Variants in LDB3 observed in about 807,000 individuals in gnomAD.
LDB3 encodes LIM domain-binding protein 3.
LDB3 carries 49 observed loss-of-function variants against 69.0 expected under a neutral mutation model. The ratio of observed to expected loss-of-function variants is 0.71; its 90% confidence interval spans 0.56 to 0.90. The LOEUF (loss-of-function observed/expected upper bound fraction) is 0.90. LDB3 is among the 40% of genes least tolerant of loss of function. The pLI is 0.00. For missense variants in LDB3, 928 were observed against 974.1 expected, an observed-to-expected ratio of 0.95 and a Z score of 0.63; for synonymous variants, 387 against 396.2, an observed-to-expected ratio of 0.98 and a Z score of 0.28.
intron 2 of LDB3, among the ~76,000 whole-genome samples, chr10:86,676,682 G>A (rs993113622): frequency 2.0e-5 from 3 of 152,158 alleles, no homozygotes; most frequent in South Asian, 2.1e-4. Flanking sequence ...CATCACCCAC[G>A]TGGTGTAGGG....
At chr10:86,678,484 C>T (rs923555912) in intron 2 of LDB3, among the ~76,000 whole-genome samples, 2 of 151,910 alleles carry the variant, frequency 1.3e-5, no homozygotes, top group African/African-American at 2.4e-5. Flanking sequence ...GGACTACAGG[C>T]GCCCACCACC....
rs1564639140 is a variant in LDB3 at position 86,687,053 on chromosome 10, C to T, written c.690-4843C>T. Reference sequence around the variant, plus strand: ...TCCTCCCTCTCCCTGCCCGTACTCCCGCACCCCTCCCCCAGCGCCGACTAC... The same window carrying T: ...TCCTCCCTCTCCCTGCCCGTACTCCTGCACCCCTCCCCCAGCGCCGACTAC... On this transcript the variant is annotated intron_variant, in intron 5 of 13. Coordinates refer to ENST00000361373, the MANE Select transcript of LDB3 (RefSeq NM_007078.3). 8.7e-6 allele frequency: 14 copies of T among 1,613,134 alleles called. No homozygotes were observed. In the South Asian group the frequency reaches 1.1e-4, roughly 13 times the overall value.
At chr10:86,703,854 C>A (rs1394234917) in intron 7 of LDB3, among the ~76,000 whole-genome samples, 1 of 152,198 alleles carries the variant, frequency 6.6e-6, no homozygotes. Flanking sequence ...TGGCTCACGC[C>A]TGTAATCCCA....
intron 5 of LDB3, chr10:86,687,080 A>G (rs1308750520): frequency 6.2e-7 from 1 of 1,613,966 alleles, no homozygotes. Flanking sequence ...GCCGACTACC[A>G]GGAACGCTTC....
intron 8 of LDB3, among the ~76,000 whole-genome samples, chr10:86,707,352 A>C (rs1846482608): frequency 6.6e-6 from 1 of 152,084 alleles, no homozygotes; most frequent in African/African-American, 2.4e-5. Context: ...ATGTTTACCT[A>C]ACACTTATTA....
intron 5 of LDB3, chr10:86,685,647 A>G: frequency 6.2e-7 from 1 of 1,613,460 alleles, no homozygotes. Context: ...CTCTCTGACC[A>G]CCCTGTCTTC....
At position 86,709,939 on chromosome 10, in the gene LDB3, G is replaced by A. The variant is rs762701610; in HGVS notation, c.1120G>A (p.Ala374Thr). 5 of 1,612,310 alleles carry A rather than the reference G, an allele frequency of 3.1e-6. No individual in the cohort carries two copies. Among genetic ancestry groups the A allele is most frequent in the South Asian group, 1.1e-5 (1 of 91,072 alleles). Residue 374 changes from alanine (A) to threonine (T), a missense_variant, in exon 9 of 14, where the codon GCC (alanine) becomes ACC (threonine). Coordinates refer to ENST00000361373, the MANE Select transcript of LDB3 (RefSeq NM_007078.3). ...CTCTTCCTACAGCCCCGCAGTGGCCGCCTCTTCAGCACCTGCCACCCACAC... is the reference window on the plus strand; with the variant it reads ...CTCTTCCTACAGCCCCGCAGTGGCCACCTCTTCAGCACCTGCCACCCACAC... ...QASSYSPAVA[A>T]SSAPATHTSY...
rs1564667005 is a variant in LDB3, at chr10:86,733,931, A to G, written c.*955A>G. 6.6e-6 allele frequency: 1 copy of G among 152,182 alleles called. No homozygotes were observed. The highest frequency in any genetic ancestry group is 2.4e-5 in the African/African-American group (1 of 41,426). 9.4% of individuals were successfully genotyped at this position (152,182 alleles called of 1,614,324 possible). On this transcript the variant is annotated 3_prime_UTR_variant, in exon 14 of 14. Coordinates refer to ENST00000361373, the MANE Select transcript of LDB3 (RefSeq NM_007078.3). The stretch of plus-strand genomic sequence containing the variant: ...GTCTCCCCCAGTACCCTCCATCTCA[A>G]ATAGGCTTGGTGGCCTGTGGAAAAG...
At chr10:86,681,902 C>T in intron 5 of LDB3, 99 bp downstream of exon 5, 6 of 1,274,430 alleles carry the variant, frequency 4.7e-6, no homozygotes, top group Non-Finnish European at 6.5e-6. Flanking sequence ...GAGGCACTGG[C>T]CCCAATCCAG....
chr10:86,701,749 G>C (rs1846269772), intron 7 of LDB3, among the ~76,000 whole-genome samples: 1 of 152,164 alleles, frequency 6.6e-6, no homozygotes, highest in Admixed American at 6.5e-5. Flanking sequence ...CAAAAGGCTG[G>C]ACAGATACTC....
At chr10:86,707,213 G>T (rs1001458619) in intron 8 of LDB3, among the ~76,000 whole-genome samples, 1 of 152,084 alleles carries the variant, frequency 6.6e-6, no homozygotes, top group African/African-American at 2.4e-5. Context: ...GATTTCCTCA[G>T]AGAGTTCAGC....
intron 2 of LDB3, among the ~76,000 whole-genome samples, chr10:86,670,444 G>A (rs1844406064): frequency 6.6e-6 from 1 of 152,122 alleles, no homozygotes; most frequent in South Asian, 2.1e-4. Flanking sequence ...GCCTGGGACT[G>A]AGCCCACATC....
intron 7 of LDB3, among the ~76,000 whole-genome samples, chr10:86,697,508 G>A (rs1196298786): frequency 1.4e-5 from 2 of 146,412 alleles, no homozygotes; most frequent in Admixed American, 6.8e-5. Flanking sequence ...GGCGTGAGCC[G>A]CCGTGCCCGG....
intron 9 of LDB3, among the ~76,000 whole-genome samples, chr10:86,711,800 C>G (rs1411504042): frequency 2.0e-5 from 3 of 149,280 alleles, no homozygotes; most frequent in Non-Finnish European, 3.0e-5. Context: ...GCGCGCGGGC[C>G]GGGGACGGTC....
Position 86,704,897 on chromosome 10 carries a change from G to A in LDB3, c.897-1634G>A, listed in dbSNP as rs546075910. Among the ~76,000 whole-genome samples, 3 of 152,018 alleles carry A rather than the reference G, an allele frequency of 2.0e-5. No homozygotes were observed. The East Asian group carries it at 5.8e-4, about 29-fold the overall frequency. ...GTGCCCGGCCTAATTTTGTTTCTTA[G>A]TAGAGACAAGGTTTCTCCACGTTGG... On this transcript the variant is annotated intron_variant, in intron 7 of 13. Transcript: ENST00000361373.
At chr10:86,677,159 G>A (rs1844840006) in intron 2 of LDB3, among the ~76,000 whole-genome samples, 1 of 152,174 alleles carries the variant, frequency 6.6e-6, no homozygotes. Flanking sequence ...TTCCTGTGAT[G>A]TCCCTGAAGG....
chr10:86,702,247 A>G (rs1358537398), intron 7 of LDB3, among the ~76,000 whole-genome samples: 1 of 152,164 alleles, frequency 6.6e-6, no homozygotes, highest in Non-Finnish European at 1.5e-5. Flanking sequence ...AGCACTGTCA[A>G]TACCAATCAC....
upstream of LDB3, among the ~76,000 whole-genome samples, chr10:86,668,259 C>T (rs1054727733): frequency 1.3e-5 from 2 of 152,200 alleles, no homozygotes; most frequent in Admixed American, 6.5e-5. Flanking sequence ...GCAGGAAGAG[C>T]GAGTGTCTAC....
In LDB3 at chr10:86,716,777, G is replaced by A; in HGVS notation, c.1676+6G>A. 1 of 1,600,192 alleles carries A rather than the reference G, an allele frequency of 6.2e-7. No homozygotes were observed. ...CACTGCAACAATGTCATCCGGTATG[G>A]TCCAGCTGTGCCCCTGCACTGGGGC... On this transcript the variant is annotated splice_donor_region_variant and intron_variant, in intron 10 of 13. Coordinates refer to ENST00000361373, the MANE Select transcript of LDB3 (RefSeq NM_007078.3).
Sources: gnomAD v4.1 joint callset for allele counts (sites outside exome capture counted in the v4.1 genomes callset) on GRCh38, gnomAD v4.1.1 for gene constraint, MANE v1.5 for transcripts, NCBI Gene and HGNC (gene_info 2026-07-23, HGNC 2026-07-21) for gene names.